The following KDM4A variants were observed in gnomAD, a reference collection of about 807,000 sequenced individuals.
The protein encoded by KDM4A is lysine demethylase 4A.
In KDM4A, 23 loss-of-function variants were observed where a neutral mutation model predicts 127.1. The observed-to-expected ratio is 0.18, with a 90% CI of 0.13 to 0.26. The LOEUF is 0.26. Among genes scored for constraint, KDM4A ranks in the 10% least tolerant of loss-of-function variants. The pLI is 1.00. For missense variants in KDM4A, 890 were observed against 1,329.1 expected, an observed-to-expected ratio of 0.67 and a Z score of 5.14; for synonymous variants, 443 against 466.5, an observed-to-expected ratio of 0.95 and a Z score of 0.65.
Position 43,690,825 on chromosome 1 carries a change from C to T in KDM4A, c.2038-20C>T. ...ATAGGCACGTGCTCACTGAGGTGTA[C>T]ACTTGTTCTTTCCCCTTAGGTTGAA... On this transcript the variant is annotated intron_variant, in intron 13 of 21. Coordinates refer to ENST00000372396, the MANE Select transcript of KDM4A (RefSeq NM_014663.3). 6.2e-7 allele frequency: 1 copy of T among 1,611,564 alleles called. No individual in the cohort carries two copies. The highest frequency in any genetic ancestry group is 8.5e-7 in the Non-Finnish European group (1 of 1,177,652).
Position 43,702,766 on chromosome 1 carries a change from C to T in KDM4A, c.2842-851C>T, listed in dbSNP as rs1051806162. The stretch of plus-strand genomic sequence containing the variant: ...TATTTCTTGGTTGGGCACAGTGGCT[C>T]ATGCCTGTAATCCCACCACTTTGGC... On this transcript the variant is annotated intron_variant, in intron 19 of 21. Coordinates refer to ENST00000372396, the MANE Select transcript of KDM4A (RefSeq NM_014663.3). 2.0e-5 allele frequency: 3 copies of T among 152,110 alleles called. 1 individual carries two copies. Among genetic ancestry groups the T allele is most frequent in the South Asian group, 4.2e-4 (2 of 4,814 alleles). The allele number at this position is 152,110 out of a possible 1,614,324, so 9.4% of individuals were successfully genotyped here.
intron 18 of KDM4A, among the ~76,000 whole-genome samples, chr1:43,695,581 A>G (rs1019999930): frequency 3.9e-5 from 6 of 152,234 alleles, no homozygotes; most frequent in Non-Finnish European, 8.8e-5. Flanking sequence ...TGCCACTCTC[A>G]GGACTCTGAC....
Position 43,692,238 on chromosome 1 carries a change from C to T in KDM4A, c.2320-18C>T, listed in dbSNP as rs768839835. The T allele has an allele frequency of 1.9e-6, 3 of 1,613,510 alleles. No homozygotes were observed. The highest frequency in any genetic ancestry group is 3.3e-5 in the Admixed American group (2 of 60,010). On this transcript the variant is annotated intron_variant, in intron 15 of 21. Coordinates refer to ENST00000372396, the MANE Select transcript of KDM4A (RefSeq NM_014663.3). ...ACTTGGTATTAACCACTTTTTCCTC[C>T]CTCTCCTTTCTTGGCAGGACTGCTG...
At position 43,688,917 on chromosome 1, in the gene KDM4A, C is replaced by T. The variant is rs768420871; in HGVS notation, c.1859C>T (p.Thr620Ile). 18 of 1,613,792 alleles carry T rather than the reference C, an allele frequency of 1.1e-5. No homozygotes were observed. Among genetic ancestry groups the T allele is most frequent in the Non-Finnish European group, 8.5e-6 (10 of 1,179,870 alleles). The change falls in exon 13 of 22, where the codon ACA (threonine) becomes ATA (isoleucine). Residue 620 changes from threonine (T) to isoleucine (I), a missense_variant. Transcript: ENST00000372396. The surrounding 1 kb of genome is among the most constrained non-coding windows in gnomAD (Gnocchi z 4.4). ...VLQECVSDDE[T>I]SEQLTPEEEA... The stretch of plus-strand genomic sequence containing the variant: ...ACACTTCTGTTTCCTCCTCTAGAGA[C>T]ATCTGAACAGCTGACCCCTGAGGAA...
At chr1:43,703,099 C>T (rs959721506) in intron 19 of KDM4A, among the ~76,000 whole-genome samples, 1 of 151,946 alleles carries the variant, frequency 6.6e-6, no homozygotes, top group Non-Finnish European at 1.5e-5. Context: ...CCTGCCACCA[C>T]ACCTGGCTAA....
At chr1:43,652,432 A>T (rs1660135171) in intron 1 of KDM4A, among the ~76,000 whole-genome samples, 1 of 152,014 alleles carries the variant, frequency 6.6e-6, no homozygotes, top group Non-Finnish European at 1.5e-5. Context: ...GAATCCATGC[A>T]GTTTTGATAC....
intron 6 of KDM4A, 30 bp downstream of exon 6, chr1:43,665,775 G>T: frequency 6.2e-7 from 1 of 1,611,898 alleles, no homozygotes; most frequent in South Asian, 1.1e-5. Context: ...TGCTGGATTG[G>T]ACCCTCCTAT....
At chr1:43,666,658 T>G (rs1660507483) in intron 7 of KDM4A, 103 bp downstream of exon 7, 1 of 911,032 alleles carries the variant, frequency 1.1e-6, no homozygotes, top group Non-Finnish European at 1.7e-6. Context: ...GGGCCAAAGC[T>G]TAAATAAACT....
chr1:43,676,472 C>T (rs184909225), intron 11 of KDM4A, among the ~76,000 whole-genome samples: 31 of 152,212 alleles, frequency 2.0e-4, no homozygotes, highest in African/African-American at 7.5e-4. Context: ...AGGCGCCTGC[C>T]ACCATGCCCG....
At chr1:43,669,390 A>C in intron 10 of KDM4A, 91 bp downstream of exon 10, 2 of 1,311,654 alleles carry the variant, frequency 1.5e-6, no homozygotes, top group East Asian at 4.6e-5. Flanking sequence ...AGAAATAAAA[A>C]AGGCAGAGTG....
At position 43,663,671 on chromosome 1, in the gene KDM4A, T is replaced by TG. The variant is rs1489193662; in HGVS notation, c.623+586dup. ...CAGGGTCTCACTCTGTCACCCAGGCTGGAGTGCAGTGGCACCATTATGGCT... is the reference window on the plus strand; with the variant it reads ...CAGGGTCTCACTCTGTCACCCAGGCTGGGAGTGCAGTGGCACCATTATGGCT... On this transcript the variant is annotated intron_variant, in intron 5 of 21. Transcript: ENST00000372396. Among the ~76,000 whole-genome samples the TG allele has an allele frequency of 3.9e-5, 6 of 152,114 alleles. No individual in the cohort carries two copies. The East Asian group carries it at 1.2e-3, about 29-fold the overall frequency.
chr1:43,660,662 G>A (rs774122958), intron 4 of KDM4A, among the ~76,000 whole-genome samples: 1 of 152,142 alleles, frequency 6.6e-6, no homozygotes, highest in Non-Finnish European at 1.5e-5. Context: ...TAGCATAGTC[G>A]GTGGGTGGTA....
At position 43,653,273 on chromosome 1, in the gene KDM4A, A is replaced by G. The variant is rs146598146; in HGVS notation, c.98A>G (p.Tyr33Cys). 6.2e-7 allele frequency: 1 copy of G among 1,613,580 alleles called. No homozygotes were observed. Among genetic ancestry groups the G allele is most frequent in the Non-Finnish European group, 8.5e-7 (1 of 1,179,714 alleles). ...CGAAACTTCAGTAGATACATTGCCT[A>G]CATTGAATCCCAAGGAGCTCATCGG... is the stretch of plus-strand genomic sequence containing the variant. ...EFRNFSRYIA[Y>C]IESQGAHRAG... is the part of the protein sequence containing the mutation. The change falls in exon 2 of 22, where the codon TAC (tyrosine) becomes TGC (cysteine). Residue 33 changes from tyrosine (Y) to cysteine (C), a missense_variant. Tyr to Cys is a radical substitution (Grantham distance 194). Around this residue, in one of 7 missense-constraint regions of KDM4A, gnomAD observed 35 missense variants for 27.7 expected, o/e 1.26. Transcript: ENST00000372396.
At chr1:43,700,196 C>T (rs997252416) in intron 19 of KDM4A, 1 of 151,780 alleles carries the variant, frequency 6.6e-6, no homozygotes, top group Admixed American at 6.6e-5. Context: ...GCAGTGATCT[C>T]AACTCACTGC....
intron 11 of KDM4A, among the ~76,000 whole-genome samples, chr1:43,673,701 C>G (rs1299786026): frequency 6.6e-6 from 1 of 152,132 alleles, no homozygotes; most frequent in East Asian, 1.9e-4. Context: ...CTTCTTATGG[C>G]AGCTTCCATA....
chr1:43,657,793 C>A (rs1660281493), intron 3 of KDM4A, among the ~76,000 whole-genome samples: 1 of 145,310 alleles, frequency 6.9e-6, no homozygotes. Context: ...CTCTGTCACC[C>A]AGGCTGGAGT....
intron 9 of KDM4A, among the ~76,000 whole-genome samples, 193 bp downstream of exon 9, chr1:43,668,212 G>A (rs552801038): frequency 3.3e-5 from 5 of 152,108 alleles, no homozygotes; most frequent in South Asian, 4.2e-4. Flanking sequence ...TGCAAGCCCC[G>A]CCTCCCGGGT....
rs148393274 is a variant in KDM4A, at chr1:43,677,719, AAGG to A, written c.1734+5848_1734+5850del. The stretch of plus-strand genomic sequence containing the variant: ...TATAAAGATTTTGAGGGGGAGGAAG[AAGG>A]AGGCAAAATTAGAAATTGTTTAACA... On this transcript the variant is annotated intron_variant, in intron 11 of 21. Coordinates refer to ENST00000372396, the MANE Select transcript of KDM4A (RefSeq NM_014663.3). 3.3e-5 allele frequency among the ~76,000 whole-genome samples: 5 copies of A among 152,340 alleles called. No individual in the cohort carries two copies. In the East Asian group the frequency reaches 9.6e-4, roughly 29 times the overall value.
At chr1:43,690,225 T>A (rs1661076643) in intron 13 of KDM4A, among the ~76,000 whole-genome samples, 1 of 152,170 alleles carries the variant, frequency 6.6e-6, no homozygotes, top group African/African-American at 2.4e-5. Flanking sequence ...GCTGGCCTAC[T>A]AGGAGCATCT....
Sources: gnomAD v4.1 joint callset for allele counts (sites outside exome capture counted in the v4.1 genomes callset) on GRCh38, gnomAD v4.1.1 for gene constraint, gnomAD v4.1.1 regional missense constraint, Gnocchi (gnomAD v3.1) non-coding constraint, MANE v1.5 for transcripts, NCBI Gene and HGNC (gene_info 2026-07-23, HGNC 2026-07-21) for gene names.